The following POLR1D variants were observed in gnomAD, a reference collection of about 807,000 sequenced individuals.
POLR1D encodes RNA polymerase I and III subunit D.
Under a neutral mutation model 10.8 loss-of-function variants are expected in POLR1D, and 8 were observed. The ratio of observed to expected loss-of-function variants is 0.74; its 90% confidence interval spans 0.43 to 1.33. POLR1D has a LOEUF of 1.33. Among genes scored for constraint, POLR1D ranks in the 40% most tolerant of loss-of-function variants. The pLI is 0.01. For missense variants in POLR1D, 152 were observed against 161.7 expected, an observed-to-expected ratio of 0.94 and a Z score of 0.32; for synonymous variants, 54 against 57.2, an observed-to-expected ratio of 0.94 and a Z score of 0.25.
downstream of POLR1D, among the ~76,000 whole-genome samples, chr13:27,627,429 C>T (rs1956024073): frequency 6.6e-6 from 1 of 152,068 alleles, no homozygotes; most frequent in Admixed American, 6.6e-5. Context: ...CCTGAAAACC[C>T]TTCTGTGGTT....
At chr13:27,664,649 A>G (rs1216464908) in intron 2 of POLR1D, 2 of 152,242 alleles carry the variant, frequency 1.3e-5, no homozygotes, top group African/African-American at 2.4e-5. Flanking sequence ...GAGTGAGGCT[A>G]TGCTAATGCC....
At chr13:27,648,354 C>G in intron 1 of POLR1D, 1 of 1,503,772 alleles carries the variant, frequency 6.6e-7, no homozygotes, top group East Asian at 2.3e-5. Context: ...GACTGCCTCT[C>G]AAATCTTTTC....
chr13:27,657,647 T>G (rs1956320991), intron 2 of POLR1D, among the ~76,000 whole-genome samples: 1 of 152,226 alleles, frequency 6.6e-6, no homozygotes, highest in Non-Finnish European at 1.5e-5. Context: ...TGTTAGTTTT[T>G]TAAGCTTACT....
intron 2 of POLR1D, among the ~76,000 whole-genome samples, chr13:27,662,174 C>A: frequency 6.6e-6 from 1 of 152,018 alleles, no homozygotes; most frequent in Non-Finnish European, 1.5e-5. Context: ...TCTTGAGTTG[C>A]CATCTTGCAA....
chr13:27,638,508 A>G (rs1956146557), intron 1 of POLR1D, among the ~76,000 whole-genome samples: 1 of 152,222 alleles, frequency 6.6e-6, no homozygotes. Context: ...AATCCTACAC[A>G]TTCTAGAACT....
At chr13:27,635,634 A>T (rs1453183740) in intron 1 of POLR1D, among the ~76,000 whole-genome samples, 1 of 150,892 alleles carries the variant, frequency 6.6e-6, no homozygotes, top group Non-Finnish European at 1.5e-5. Flanking sequence ...TATAACTATA[A>T]AATGATTATT....
rs572402545 is a variant in POLR1D at position 27,652,609 on chromosome 13, G to A, written c.101+4156G>A. On this transcript the variant is annotated intron_variant, in intron 2 of 2. Coordinates refer to the POLR1D transcript ENST00000399697. ...GCCATGACTGGGCGCTGTGGCTCAC[G>A]CCTATAATCCCAGCACTTTGGGAGG... is the stretch of plus-strand genomic sequence containing the variant. 1.9e-3 allele frequency among the ~76,000 whole-genome samples: 289 copies of A among 151,908 alleles called. 3 individuals are homozygous for A. The highest frequency in any genetic ancestry group is 5.1e-3 in the African/African-American group (213 of 41,468).
chr13:27,624,869 CAG>C (rs1370600776), downstream of POLR1D, among the ~76,000 whole-genome samples: 4 of 152,096 alleles, frequency 2.6e-5, no homozygotes, highest in Non-Finnish European at 4.4e-5. Context: ...GCCTGGGTGA[CAG>C]AGGGAGACCT....
chr13:27,665,675 C>T (rs756236328), intron 2 of POLR1D: 4 of 1,612,900 alleles, frequency 2.5e-6, no homozygotes, highest in Non-Finnish European at 3.4e-6. Context: ...CTTTTCTCCT[C>T]CCCACCCCAG....
At chr13:27,622,183 C>A (rs1290143467) in intron 1 of POLR1D, 174 bp downstream of exon 1, 1 of 646,582 alleles carries the variant, frequency 1.5e-6, no homozygotes, top group Non-Finnish European at 2.8e-6. Context: ...CTGAGAGGTA[C>A]ACTAGCTATC....
At chr13:27,641,679 A>C (rs530760815) in intron 1 of POLR1D, among the ~76,000 whole-genome samples, 1 of 152,322 alleles carries the variant, frequency 6.6e-6, no homozygotes, top group East Asian at 1.9e-4. Flanking sequence ...TGGGGACTTC[A>C]TGTGCCCCTC....
At chr13:27,652,247 T>C (rs1956273065) in intron 2 of POLR1D, among the ~76,000 whole-genome samples, 1 of 152,250 alleles carries the variant, frequency 6.6e-6, no homozygotes, top group Admixed American at 6.5e-5. Context: ...AGACATCATT[T>C]ATCCTGACAA....
intron 1 of POLR1D, among the ~76,000 whole-genome samples, chr13:27,644,395 A>T (rs201840407): frequency 6.6e-6 from 1 of 152,310 alleles, no homozygotes; most frequent in Non-Finnish European, 1.5e-5. Flanking sequence ...TTGCATTCCT[A>T]CTTGGGTTTT....
chr13:27,623,917 G>A (rs1955980276), downstream of POLR1D, among the ~76,000 whole-genome samples: 1 of 152,144 alleles, frequency 6.6e-6, no homozygotes, highest in African/African-American at 2.4e-5. Flanking sequence ...TCTAAGTAAG[G>A]TAAGATGTTT....
chr13:27,624,265 A>G (rs113472095), downstream of POLR1D, among the ~76,000 whole-genome samples: 354 of 152,244 alleles, frequency 2.3e-3, 2 homozygotes, highest in African/African-American at 8.0e-3. Flanking sequence ...CTTGGCATTT[A>G]CTATGCTATT....
intron 2 of POLR1D, among the ~76,000 whole-genome samples, chr13:27,655,441 T>G (rs936309466): frequency 6.6e-6 from 1 of 152,174 alleles, no homozygotes; most frequent in African/African-American, 2.4e-5. Flanking sequence ...AAAATGTCTT[T>G]TATAGTGGTT....
intron 2 of POLR1D, among the ~76,000 whole-genome samples, chr13:27,655,257 C>T (rs962720012): frequency 1.3e-5 from 2 of 152,122 alleles, no homozygotes; most frequent in Non-Finnish European, 2.9e-5. Flanking sequence ...ACATGTAATA[C>T]ACAAACATAT....
chr13:27,622,284 C>T, intron 1 of POLR1D: 1 of 563,906 alleles, frequency 1.8e-6, no homozygotes, highest in Non-Finnish European at 3.2e-6. Flanking sequence ...ACGCCCCGGG[C>T]CTCTGCTCCT....
chr13:27,639,068 T>C (rs942672912), intron 1 of POLR1D, among the ~76,000 whole-genome samples: 3 of 152,160 alleles, frequency 2.0e-5, no homozygotes, highest in African/African-American at 7.2e-5. Context: ...TTCCTATCCT[T>C]TACTAAATTC....
Sources: allele counts gnomAD v4.1 joint callset (sites outside exome capture counted in the v4.1 genomes callset), GRCh38; gene constraint gnomAD v4.1.1; transcripts MANE v1.5; gene names NCBI Gene and HGNC (gene_info 2026-07-23, HGNC 2026-07-21).